The following FAM135B variants were observed in gnomAD, a reference collection of about 807,000 sequenced individuals.
FAM135B encodes the protein protein FAM135B.
Under a neutral mutation model 127.7 loss-of-function variants are expected in FAM135B, and 43 were observed. The observed-to-expected ratio is 0.34, with a 90% confidence interval of 0.26 to 0.43. FAM135B has a LOEUF of 0.43. FAM135B is among the 20% of genes least tolerant of loss of function. The pLI, the probability that FAM135B is intolerant of heterozygous loss-of-function variation, is 1.00. For missense variants in FAM135B, 1,558 were observed against 1,725.6 expected (o/e 0.90, Z 1.72); for synonymous variants, 670 against 665.1 (o/e 1.01, Z -0.11).
chr8:138,382,156 A>G (rs1477196567), intron 1 of FAM135B, among the ~76,000 whole-genome samples: 1 of 152,160 alleles, frequency 6.6e-6, no homozygotes, highest in Non-Finnish European at 1.5e-5. Flanking sequence ...GCAAGCCTCC[A>G]TTCCCAACCT....
intron 7 of FAM135B, 32 bp from the exon 8 acceptor site, chr8:138,197,701 A>AATATTGCAC (rs1159822860): frequency 6.2e-7 from 1 of 1,606,380 alleles, no homozygotes; most frequent in African/African-American, 1.3e-5. Flanking sequence ...GAGGCTGAGG[A>AATATTGCAC]ATATTGCACC....
At chr8:138,356,452 T>C in intron 2 of FAM135B, among the ~76,000 whole-genome samples, 1 of 152,148 alleles carries the variant, frequency 6.6e-6, no homozygotes, top group East Asian at 1.9e-4. Flanking sequence ...TAATACAATA[T>C]TCCTTGTAGA....
chr8:138,312,820 T>C (rs995735560), intron 2 of FAM135B, among the ~76,000 whole-genome samples: 5 of 152,176 alleles, frequency 3.3e-5, no homozygotes, highest in Non-Finnish European at 7.4e-5. Flanking sequence ...GAACCCCACC[T>C]GTTCAGTTGA....
chr8:138,410,170 C>A (rs1833777390), intron 1 of FAM135B, among the ~76,000 whole-genome samples: 1 of 152,138 alleles, frequency 6.6e-6, no homozygotes, highest in Non-Finnish European at 1.5e-5. Flanking sequence ...TTACATATTA[C>A]CAGGAAGGGC....
At chr8:138,140,741 A>G (rs1013955359) in intron 17 of FAM135B, among the ~76,000 whole-genome samples, 3 of 152,204 alleles carry the variant, frequency 2.0e-5, no homozygotes, top group African/African-American at 7.2e-5. Context: ...GTATACATAC[A>G]TATACACAAA....
chr8:138,274,659 C>G (rs1208181151), intron 3 of FAM135B, among the ~76,000 whole-genome samples: 1 of 152,108 alleles, frequency 6.6e-6, no homozygotes, highest in African/African-American at 2.4e-5. Context: ...TCTGCAGTCT[C>G]AACCATAAGA....
At position 138,260,595 on chromosome 8, in the gene FAM135B, C is replaced by G. The variant is rs527742566; in HGVS notation, c.298-3836G>C. On this transcript the variant is annotated intron_variant, in intron 4 of 19. Transcript: ENST00000395297. ...CATGGCCAAATCTTAGAGTCAACTT[C>G]CATTTATCATTCCTCTCTACATGAT... Among the ~76,000 whole-genome samples the G allele has an allele frequency of 2.6e-5, 4 of 152,276 alleles. No individual in the cohort carries two copies. In the South Asian group the frequency reaches 8.3e-4, roughly 32 times the overall value.
chr8:138,172,261 C>G (rs1820530841), intron 11 of FAM135B, among the ~76,000 whole-genome samples: 1 of 152,154 alleles, frequency 6.6e-6, no homozygotes, highest in African/African-American at 2.4e-5. Flanking sequence ...GACTCCCACC[C>G]CTGCCATCCC....
intron 2 of FAM135B, among the ~76,000 whole-genome samples, chr8:138,329,093 C>T (rs1827997452): frequency 6.6e-6 from 1 of 152,006 alleles, no homozygotes; most frequent in South Asian, 2.1e-4. Flanking sequence ...AAACAAACAG[C>T]CACATAGGTG....
At chr8:138,187,178 A>C (rs776837204) in intron 9 of FAM135B, among the ~76,000 whole-genome samples, 4 of 152,184 alleles carry the variant, frequency 2.6e-5, no homozygotes, top group Non-Finnish European at 4.4e-5. Context: ...TTGTGATGGA[A>C]GGAAATTAAA....
intron 14 of FAM135B, among the ~76,000 whole-genome samples, chr8:138,146,996 G>A (rs907921060): frequency 6.6e-5 from 10 of 152,132 alleles, no homozygotes; most frequent in African/African-American, 1.9e-4. Context: ...AGTGCCACAC[G>A]GAATTGGGGG....
chr8:138,371,712 T>A (rs1004899850), intron 1 of FAM135B, among the ~76,000 whole-genome samples: 4 of 152,158 alleles, frequency 2.6e-5, no homozygotes, highest in African/African-American at 9.7e-5. Flanking sequence ...ACCCCCAACA[T>A]GAGCATGTAC....
intron 7 of FAM135B, among the ~76,000 whole-genome samples, chr8:138,210,836 C>T (rs926356653): frequency 1.3e-5 from 2 of 152,148 alleles, no homozygotes; most frequent in African/African-American, 2.4e-5. Flanking sequence ...GCATAGGAAA[C>T]ATATTCTATG....
chr8:138,137,719 G>A (rs907562216), intron 18 of FAM135B, among the ~76,000 whole-genome samples: 7 of 151,972 alleles, frequency 4.6e-5, no homozygotes, highest in African/African-American at 7.3e-5. Flanking sequence ...CCTTCACCAC[G>A]TCCCATGCTT....
intron 9 of FAM135B, among the ~76,000 whole-genome samples, chr8:138,186,030 C>T (rs1462911167): frequency 6.6e-6 from 1 of 152,144 alleles, no homozygotes; most frequent in Non-Finnish European, 1.5e-5. Flanking sequence ...GGGCTTTGCA[C>T]GGCTGTTCCC....
rs1821040544 is a variant in FAM135B, at chr8:138,243,615, C to G, written c.543-547G>C. Among the ~76,000 whole-genome samples, 1 of 152,240 alleles carries G rather than the reference C, an allele frequency of 6.6e-6. No individual in the cohort carries two copies. Among genetic ancestry groups the G allele is most frequent in the Admixed American group, 6.5e-5 (1 of 15,284 alleles). On this transcript the variant is annotated intron_variant, in intron 6 of 19. Coordinates refer to ENST00000395297, the MANE Select transcript of FAM135B (RefSeq NM_015912.4). This position sits in a 1 kb window ranked among gnomAD's most constrained non-coding sequence, Gnocchi z 7.5. ...CTAATTGGGAAGACCATAACCTGCTCAGCTCACAAATGTGCAGTTCCTGCC... is the reference window on the plus strand; with the variant it reads ...CTAATTGGGAAGACCATAACCTGCTGAGCTCACAAATGTGCAGTTCCTGCC...
intron 7 of FAM135B, among the ~76,000 whole-genome samples, chr8:138,240,080 T>C (rs1820623227): frequency 1.3e-5 from 2 of 152,224 alleles, no homozygotes; most frequent in African/African-American, 2.4e-5. Flanking sequence ...CACACCAACA[T>C]GGCACATGTA....
chr8:138,294,273 A>C (rs927577631), intron 3 of FAM135B, among the ~76,000 whole-genome samples: 4 of 152,060 alleles, frequency 2.6e-5, no homozygotes, highest in African/African-American at 9.7e-5. Context: ...AAAGATAAAA[A>C]ATTGCACGCT....
chr8:138,234,753 G>A (rs1214090928), intron 7 of FAM135B, among the ~76,000 whole-genome samples: 4 of 152,216 alleles, frequency 2.6e-5, no homozygotes, highest in East Asian at 3.8e-4. Context: ...CTGCTGCAAT[G>A]AGTGTTAGTA....
Sources: gnomAD v4.1 joint callset for allele counts (sites outside exome capture counted in the v4.1 genomes callset) on GRCh38, gnomAD v4.1.1 for gene constraint, Gnocchi (gnomAD v3.1) non-coding constraint, MANE v1.5 for transcripts, NCBI Gene and HGNC (gene_info 2026-07-23, HGNC 2026-07-21) for gene names.